IRS1: variants seen among roughly 807,000 people sequenced by gnomAD.
The protein encoded by IRS1 is insulin receptor substrate 1.
In IRS1, 34 loss-of-function variants were observed where a neutral mutation model predicts 65.6. That is an observed-to-expected ratio of 0.52 (90% CI 0.39 to 0.69). The LOEUF (loss-of-function observed/expected upper bound fraction) is 0.69. Ranked by LOEUF, IRS1 falls within the 30% of genes least tolerant of loss-of-function variation. The pLI is 0.00. For missense variants in IRS1, 1,641 were observed against 1,720.2 expected, an observed-to-expected ratio of 0.95 and a Z score of 0.81; for synonymous variants, 699 against 683.5, an observed-to-expected ratio of 1.02 and a Z score of -0.35.
chr2:226,764,208 C>T (rs185621716), intron 1 of IRS1, among the ~76,000 whole-genome samples: 1 of 151,594 alleles, frequency 6.6e-6, no homozygotes, highest in Admixed American at 6.6e-5. Context: ...TTAGAAACAT[C>T]GAAGGATCAC....
rs1938265002 is a variant in IRS1, at chr2:226,733,251, G to C, written c.*3021C>G. 6.6e-6 allele frequency: 1 copy of C among 152,164 alleles called. No individual in the cohort carries two copies. The highest frequency in any genetic ancestry group is 1.5e-5 in the Non-Finnish European group (1 of 68,014). The allele number at this position is 152,164 out of a possible 1,614,324, so 9.4% of individuals were successfully genotyped here. A position where few individuals can be genotyped will look rare whatever the true frequency, so the allele number is the denominator to read the frequency against. On this transcript the variant is annotated 3_prime_UTR_variant, in exon 2 of 2. Coordinates refer to ENST00000305123, the MANE Select transcript of IRS1 (RefSeq NM_005544.3). Reference sequence around the variant, plus strand: ...TTTAAATGATAGCTAGAAGACAAAAGCCAGGGAAAGAAAGGTTAAAAATCT... The same window carrying C: ...TTTAAATGATAGCTAGAAGACAAAACCCAGGGAAAGAAAGGTTAAAAATCT...
intron 1 of IRS1, among the ~76,000 whole-genome samples, chr2:226,762,179 C>T (rs929895911): frequency 1.3e-5 from 2 of 152,134 alleles, no homozygotes; most frequent in African/African-American, 4.8e-5. Flanking sequence ...AAAATCTTGA[C>T]CTTAGTGACT....
rs558588482 is a variant in IRS1 at position 226,785,059 on chromosome 2, C to A, written c.*21+9930G>T. The stretch of plus-strand genomic sequence containing the variant: ...TCTTATGTATAAAATAAATTGCTCC[C>A]AGAATTTGAAATGTTGAAAGACTAT... On this transcript the variant is annotated intron_variant, in intron 1 of 1. Transcript: ENST00000305123. Among the ~76,000 whole-genome samples, 52 of 152,128 alleles carry A rather than the reference C, an allele frequency of 3.4e-4. 1 individual carries two copies. Among genetic ancestry groups the A allele is most frequent in the Non-Finnish European group, 4.3e-4 (29 of 68,026 alleles).
At chr2:226,785,525 C>G (rs931001747) in intron 1 of IRS1, among the ~76,000 whole-genome samples, 1 of 152,184 alleles carries the variant, frequency 6.6e-6, no homozygotes, top group African/African-American at 2.4e-5. Flanking sequence ...ATGGCTTGAA[C>G]CTGGGAGGCG....
rs143227050 is a variant in IRS1, at chr2:226,790,706, A to C, written c.*21+4283T>G. 7.9e-5 allele frequency among the ~76,000 whole-genome samples: 12 copies of C among 152,268 alleles called. No individual in the cohort carries two copies. In the East Asian group the frequency reaches 2.1e-3, roughly 27 times the overall value. On this transcript the variant is annotated intron_variant, in intron 1 of 1. Coordinates refer to ENST00000305123, the MANE Select transcript of IRS1 (RefSeq NM_005544.3). ...GGATGTTGGCTGGTGAGAAATGCTT[A>C]TTTGAGAGGGAAGGAGGAGGAGGAG...
chr2:226,747,952 GGA>G (rs1489409429), intron 1 of IRS1, among the ~76,000 whole-genome samples: 2 of 151,976 alleles, frequency 1.3e-5, no homozygotes. Flanking sequence ...ACAACACAGT[GGA>G]GAGTCTACTG....
chr2:226,773,626 TAAA>T (rs573153451), intron 1 of IRS1, among the ~76,000 whole-genome samples: 1 of 144,382 alleles, frequency 6.9e-6, no homozygotes. Flanking sequence ...GCTTGCAAGT[TAAA>T]AAAAAAAAAG....
intron 1 of IRS1, among the ~76,000 whole-genome samples, chr2:226,755,400 G>A (rs969243749): frequency 6.6e-6 from 1 of 152,126 alleles, no homozygotes; most frequent in African/African-American, 2.4e-5. Flanking sequence ...TTAAAATATT[G>A]TACAGTTTAC....
intron 1 of IRS1, among the ~76,000 whole-genome samples, chr2:226,787,825 G>A (rs914165754): frequency 6.6e-6 from 1 of 152,132 alleles, no homozygotes; most frequent in Admixed American, 6.5e-5. Flanking sequence ...GGGACATGAT[G>A]ATTGGAGAAG....
chr2:226,749,309 C>T (rs1938625063), intron 1 of IRS1, among the ~76,000 whole-genome samples: 1 of 152,156 alleles, frequency 6.6e-6, no homozygotes. Context: ...AAGCCTTACC[C>T]TTTAGAGATA....
chr2:226,773,350 A>G (rs971907436), intron 1 of IRS1, among the ~76,000 whole-genome samples: 2 of 152,160 alleles, frequency 1.3e-5, no homozygotes, highest in Non-Finnish European at 2.9e-5. Context: ...ACAGTCAACA[A>G]GTACAGACAG....
In IRS1 at chr2:226,796,705, G is replaced by A. The variant is rs781001301; in HGVS notation, c.2034C>T (p.Gly678=). The change falls in exon 1 of 2, where the codon GGC becomes GGT. Residue 678 remains glycine (G), a synonymous_variant. Transcript: ENST00000305123. ...SGGCSPDIGG[G]PSSSSSSSNA... ...TGCTGCTGCTGCTGCTGCTGCTGGGGCCACCTCCAATGTCAGGAGAGCAGC... is the reference window on the plus strand; with the variant it reads ...TGCTGCTGCTGCTGCTGCTGCTGGGACCACCTCCAATGTCAGGAGAGCAGC... 1.2e-6 allele frequency: 2 copies of A among 1,613,780 alleles called. No homozygotes were observed. The highest frequency in any genetic ancestry group is 1.1e-5 in the South Asian group (1 of 91,076).
Position 226,796,199 on chromosome 2 carries a change from G to A in IRS1, c.2540C>T (p.Thr847Ile). The A allele has an allele frequency of 1.2e-6, 2 of 1,613,524 alleles. No individual in the cohort carries two copies. The highest frequency in any genetic ancestry group is 1.7e-6 in the Non-Finnish European group (2 of 1,179,848). Residue 847 changes from threonine (T) to isoleucine (I), a missense_variant, in exon 1 of 2, where the codon ACA (threonine) becomes ATA (isoleucine). By Grantham distance (89) the Thr-to-Ile change is moderately conservative. This residue lies in a region of IRS1 where 1,324 missense variants were observed against 1,361.0 expected (regional missense o/e 0.97). Transcript: ENST00000305123. Reference protein sequence around the residue: ...LQPHLPRKVDTAAQTNSRLAR... With the variant: ...LQPHLPRKVDIAAQTNSRLAR... ...CAGGCGGCTATTGGTCTGAGCAGCT[G>A]TGTCCACCTTTCGAGGCAGATGGGG...
intron 1 of IRS1, among the ~76,000 whole-genome samples, chr2:226,778,014 AT>A (rs1425285878): frequency 6.6e-6 from 1 of 151,926 alleles, no homozygotes. Context: ...ATTTATAAAT[AT>A]TTTTTCTAAG....
chr2:226,795,915 T>C lies in IRS1; in HGVS notation c.2824A>G (p.Met942Val), dbSNP rs142792089. The C allele has an allele frequency of 5.0e-6, 8 of 1,613,866 alleles. No individual in the cohort carries two copies. The African/African-American group carries it at 9.3e-5, about 19-fold the overall frequency. Residue 942 changes from methionine (M) to valine (V), a missense_variant, in exon 1 of 2, where the codon ATG becomes GTG. Physicochemically the swap from Met to Val is conservative, Grantham distance 21. Around this residue, in one of 3 missense-constraint regions of IRS1, gnomAD observed 1,324 missense variants for 1,361.0 expected, o/e 0.97. Coordinates refer to ENST00000305123, the MANE Select transcript of IRS1 (RefSeq NM_005544.3). ...CGGCCCGGCCCCAGGTCCATCTTCA[T>C]GTACTCCTCAGTGCCAGTCTCTTCC... ...REEETGTEEY[M>V]KMDLGPGRRA...
chr2:226,799,557 G>A lies in IRS1; in HGVS notation c.-819C>T. On this transcript the variant is annotated 5_prime_UTR_variant, in exon 1 of 2. Transcript: ENST00000305123. The surrounding 1 kb of genome is among the most constrained non-coding windows in gnomAD (Gnocchi z 6.1). ...CTCGCTCCAGGCGGCTGGGGAGGAG[G>A]GGAGGGGACAAGGGCGAGAGGGGAT... 1.9e-6 allele frequency: 2 copies of A among 1,072,970 alleles called. No individual in the cohort carries two copies. The highest frequency in any genetic ancestry group is 2.3e-6 in the Non-Finnish European group (2 of 872,144). 66.5% of individuals were successfully genotyped at this position (1,072,970 alleles called of 1,614,324 possible). A position where few individuals can be genotyped will look rare whatever the true frequency, so the allele number is the denominator to read the frequency against.
At chr2:226,761,289 A>G (rs1193069090) in intron 1 of IRS1, among the ~76,000 whole-genome samples, 2 of 152,318 alleles carry the variant, frequency 1.3e-5, no homozygotes, top group African/African-American at 4.8e-5. Context: ...ATTGCTTTGG[A>G]ATGCATTTTG....
chr2:226,794,982 A>G lies in IRS1; in HGVS notation c.*21+7T>C, dbSNP rs1258302333. On this transcript the variant is annotated splice_region_variant and intron_variant, in intron 1 of 1. Transcript: ENST00000305123. This position sits in a 1 kb window ranked among gnomAD's most constrained non-coding sequence, Gnocchi z 4.1. ...TTGTCTTCTGACTTTGTCACCATGA[A>G]ACGCACCTGCTGTGATGTCCAGTTG... 3 of 1,612,428 alleles carry G rather than the reference A, an allele frequency of 1.9e-6. No homozygotes were observed. In the African/African-American group the frequency reaches 4.0e-5, roughly 22 times the overall value.
chr2:226,763,556 C>T (rs1298845574), intron 1 of IRS1, among the ~76,000 whole-genome samples: 2 of 152,144 alleles, frequency 1.3e-5, no homozygotes, highest in Non-Finnish European at 2.9e-5. Context: ...ATCTGCTTTC[C>T]AAAAGCAACA....
Sources: gnomAD v4.1 joint callset for allele counts (sites outside exome capture counted in the v4.1 genomes callset) on GRCh38, gnomAD v4.1.1 for gene constraint, gnomAD v4.1.1 regional missense constraint, Gnocchi (gnomAD v3.1) non-coding constraint, MANE v1.5 for transcripts, NCBI Gene and HGNC (gene_info 2026-07-23, HGNC 2026-07-21) for gene names.